Variants in MAML2 observed in about 807,000 individuals in gnomAD.
MAML2 encodes the protein mastermind like transcriptional coactivator 2, also known as mastermind-like protein 2.
MAML2 carries 22 observed loss-of-function variants against 96.1 expected under a neutral mutation model. That is an observed-to-expected ratio of 0.23 (90% CI 0.16 to 0.33). The LOEUF (loss-of-function observed/expected upper bound fraction) is 0.33, where lower values mean the gene tolerates loss of function less well. Among genes scored for constraint, MAML2 ranks in the 10% least tolerant of loss-of-function variants. The probability of loss-of-function intolerance (pLI) is 1.00; values close to 1 mark genes in which losing one functional copy is unlikely to be tolerated. For synonymous variants in MAML2, 561 were observed against 521.3 expected, an observed-to-expected ratio of 1.08 and a Z score of -1.04; for missense variants, 1,367 against 1,392.4, an observed-to-expected ratio of 0.98 and a Z score of 0.29.
intron 1 of MAML2, among the ~76,000 whole-genome samples, chr11:96,215,519 A>C (rs1336340195): frequency 6.6e-6 from 1 of 152,222 alleles, no homozygotes; most frequent in Non-Finnish European, 1.5e-5. Context: ...TGACGAATAC[A>C]CATTGTTGTC....
At chr11:96,321,568 G>A (rs559842750) in intron 1 of MAML2, among the ~76,000 whole-genome samples, 1 of 152,308 alleles carries the variant, frequency 6.6e-6, no homozygotes, top group Admixed American at 6.5e-5. Flanking sequence ...GCTGATGCTT[G>A]GCGTTTGGGA....
chr11:96,017,818 C>T (rs988379548), intron 2 of MAML2, among the ~76,000 whole-genome samples: 2 of 151,944 alleles, frequency 1.3e-5, no homozygotes, highest in African/African-American at 4.8e-5. Flanking sequence ...GCAAGATTGG[C>T]GGTGGGGTGC....
At chr11:96,042,260 G>A (rs1668007902) in intron 2 of MAML2, among the ~76,000 whole-genome samples, 1 of 152,136 alleles carries the variant, frequency 6.6e-6, no homozygotes. Context: ...TTACAGGCGT[G>A]AGCCACCATG....
intron 2 of MAML2, among the ~76,000 whole-genome samples, chr11:96,091,072 G>A (rs1016087899): frequency 6.6e-6 from 1 of 152,174 alleles, no homozygotes; most frequent in Admixed American, 6.5e-5. Context: ...GTGCTCTGGA[G>A]GCACAGAGCT....
At chr11:96,191,117 A>T (rs967729770) in intron 1 of MAML2, among the ~76,000 whole-genome samples, 10 of 152,186 alleles carry the variant, frequency 6.6e-5, no homozygotes, top group Admixed American at 6.5e-4. Flanking sequence ...TGTAAGAAAG[A>T]TGCAAAGAAG....
chr11:95,990,103 A>C (rs954014350), intron 3 of MAML2, among the ~76,000 whole-genome samples: 4 of 152,150 alleles, frequency 2.6e-5, no homozygotes, highest in Non-Finnish European at 5.9e-5. Flanking sequence ...CAATCTTTGC[A>C]GGCTGGATTT....
At chr11:96,318,959 C>G (rs556601493) in intron 1 of MAML2, among the ~76,000 whole-genome samples, 4 of 152,276 alleles carry the variant, frequency 2.6e-5, no homozygotes, top group Admixed American at 1.3e-4. Context: ...GTACTCATAT[C>G]CTGTGTAGTC....
At chr11:96,329,305 G>A (rs1863824017) in intron 1 of MAML2, among the ~76,000 whole-genome samples, 2 of 152,132 alleles carry the variant, frequency 1.3e-5, no homozygotes, top group South Asian at 4.1e-4. Context: ...GGAGTGATTT[G>A]TTCATTACTT....
intron 1 of MAML2, among the ~76,000 whole-genome samples, chr11:96,304,929 C>T (rs1394576779): frequency 2.0e-5 from 3 of 152,226 alleles, no homozygotes; most frequent in African/African-American, 7.2e-5. Flanking sequence ...ATTCCGAAGT[C>T]CTATAAAGAT....
intron 1 of MAML2, among the ~76,000 whole-genome samples, chr11:96,151,230 C>T (rs1337000726): frequency 6.6e-6 from 1 of 152,220 alleles, no homozygotes; most frequent in Non-Finnish European, 1.5e-5. Flanking sequence ...GCCTGGGACA[C>T]TCTTTCACCT....
chr11:96,260,795 C>CAAA lies in MAML2; in HGVS notation c.513+80585_513+80587dup, dbSNP rs113056889. The stretch of plus-strand genomic sequence containing the variant: ...TAGTCAGTTTTCTGTTATTTGCAGG[C>CAAA]AAAAAAAAAAAAAATTCCTAATTGA... On this transcript the variant is annotated intron_variant, in intron 1 of 4. Transcript: ENST00000524717. Among the ~76,000 whole-genome samples the CAAA allele has an allele frequency of 3.6e-3, 502 of 137,864 alleles. 1 individual carries two copies. The highest frequency in any genetic ancestry group is 0.012 in the African/African-American group (433 of 35,892). 90.4% of individuals were successfully genotyped at this position (137,864 alleles called of 152,430 possible).
At chr11:96,113,208 T>C (rs1860162926) in intron 1 of MAML2, among the ~76,000 whole-genome samples, 1 of 152,128 alleles carries the variant, frequency 6.6e-6, no homozygotes, top group Non-Finnish European at 1.5e-5. Flanking sequence ...GCTTTCTTTT[T>C]CTTAGCGACA....
intron 1 of MAML2, among the ~76,000 whole-genome samples, chr11:96,122,648 T>C (rs1188596489): frequency 6.6e-6 from 1 of 152,180 alleles, no homozygotes; most frequent in Admixed American, 6.5e-5. Context: ...TAGGCTTTTA[T>C]TTTTCACAGA....
At chr11:96,026,247 G>C (rs1858515582) in intron 2 of MAML2, among the ~76,000 whole-genome samples, 1 of 152,228 alleles carries the variant, frequency 6.6e-6, no homozygotes, top group Admixed American at 6.5e-5. Context: ...TTGGCCAGCA[G>C]TATACCTGCA....
At chr11:96,313,433 C>G (rs1863575472) in intron 1 of MAML2, among the ~76,000 whole-genome samples, 1 of 152,178 alleles carries the variant, frequency 6.6e-6, no homozygotes, top group East Asian at 1.9e-4. Context: ...CATTGCATTT[C>G]CCTTTTTTCA....
chr11:96,204,176 GT>G (rs527734617), intron 1 of MAML2, among the ~76,000 whole-genome samples: 23 of 152,286 alleles, frequency 1.5e-4, no homozygotes, highest in African/African-American at 4.6e-4. Context: ...GGACAAAAGG[GT>G]GTAGGTGCAC....
chr11:96,058,665 T>G (rs1392778596), intron 2 of MAML2, among the ~76,000 whole-genome samples: 1 of 152,166 alleles, frequency 6.6e-6, no homozygotes, highest in Non-Finnish European at 1.5e-5. Flanking sequence ...AGGTACCTTG[T>G]TTAAATGGAA....
At chr11:96,121,779 G>GTTTTTTTTTTTTTTTTTTT (rs1405872923) in intron 1 of MAML2, among the ~76,000 whole-genome samples, 4 of 40,814 alleles carry the variant, frequency 9.8e-5, no homozygotes, top group Admixed American at 2.7e-4. Flanking sequence ...CCAACTGCGT[G>GTTTTTTTTTTTTTTTTTTT]ATTTTTTTTT....
At chr11:96,129,758 T>C (rs1860515424) in intron 1 of MAML2, among the ~76,000 whole-genome samples, 1 of 152,220 alleles carries the variant, frequency 6.6e-6, no homozygotes, top group Non-Finnish European at 1.5e-5. Context: ...CAGGAAGTTT[T>C]TCAGCCCTTA....
Sources: allele counts gnomAD v4.1 joint callset (sites outside exome capture counted in the v4.1 genomes callset), GRCh38; gene constraint gnomAD v4.1.1; transcripts MANE v1.5; gene names NCBI Gene and HGNC (gene_info 2026-07-23, HGNC 2026-07-21).